The following STOML1 variants were observed in gnomAD, a reference collection of about 807,000 sequenced individuals.
STOML1 encodes the protein stomatin like 1.
STOML1 carries 27 observed loss-of-function variants against 35.7 expected under a neutral mutation model. That is an observed-to-expected ratio of 0.76 (90% CI 0.56 to 1.04). The LOEUF (loss-of-function observed/expected upper bound fraction) is 1.04. Among genes scored for constraint, STOML1 ranks in the 50% least tolerant of loss-of-function variants. The pLI, the probability that STOML1 is intolerant of heterozygous loss-of-function variation, is 0.00. For missense variants in STOML1, 451 were observed against 527.1 expected, an observed-to-expected ratio of 0.86 and a Z score of 1.41; for synonymous variants, 219 against 227.9, an observed-to-expected ratio of 0.96 and a Z score of 0.35.
Position 73,982,057 on chromosome 15 carries a change from G to A in STOML1, c.*1880C>T, listed in dbSNP as rs919592601. 6.6e-6 allele frequency: 1 copy of A among 152,348 alleles called. No individual in the cohort carries two copies. Among genetic ancestry groups the A allele is most frequent in the Non-Finnish European group, 1.5e-5 (1 of 68,154 alleles). 9.4% of individuals were successfully genotyped at this position (152,348 alleles called of 1,614,324 possible). On this transcript the variant is annotated 3_prime_UTR_variant, in exon 7 of 7. Coordinates refer to ENST00000541638, the MANE Select transcript of STOML1 (RefSeq NM_004809.5). ...ACCCTCCAGCCCTACCCCAGCCAAG[G>A]GGCCGTGCCAGCTTTCATGGTGAAG...
chr15:73,984,920 G>A (rs370277841), intron 5 of STOML1, 49 bp from the exon 6 acceptor site: 123 of 1,604,982 alleles, frequency 7.7e-5, no homozygotes, highest in South Asian at 7.1e-4. Context: ...GGAGGTCATC[G>A]TGTTGCCAAG....
chr15:73,991,686 C>T (rs1290355480), intron 1 of STOML1: 5 of 470,922 alleles, frequency 1.1e-5, no homozygotes, highest in Non-Finnish European at 2.1e-5. Context: ...AGAGGTGCCC[C>T]CTAGGGCGAA....
At chr15:73,994,541 C>A, upstream of STOML1, 1 of 547,892 alleles carries the variant, frequency 1.8e-6, no homozygotes, top group Non-Finnish European at 3.3e-6. Flanking sequence ...CCCTACCTCT[C>A]CCGCTTTACC....
At chr15:73,993,026 G>A (rs2069335413), upstream of STOML1, among the ~76,000 whole-genome samples, 1 of 152,186 alleles carries the variant, frequency 6.6e-6, no homozygotes, top group South Asian at 2.1e-4. Flanking sequence ...TAATGGCCTG[G>A]CCAGGTCACC....
chr15:73,992,496 T>G, upstream of STOML1: 1 of 314,526 alleles, frequency 3.2e-6, no homozygotes, highest in Non-Finnish European at 5.7e-6. Flanking sequence ...TCCCCTCTTC[T>G]CCTACTCAGC....
At position 73,984,010 on chromosome 15, in the gene STOML1, C is replaced by T. The variant is rs2141661588; in HGVS notation, c.1124G>A (p.Ser375Asn). 1 of 1,614,072 alleles carries T rather than the reference C, an allele frequency of 6.2e-7. No homozygotes were observed. ...GTCGCCCTTCACCTTCAGCCGTCCA[C>T]TCATGTAGGCCCCCAGGGGCCGCAG... ...RELRPLGAYM[S>N]GRLKVKGDLA... Residue 375 changes from serine (S) to asparagine (N), a missense_variant, in exon 7 of 7, where the codon AGT becomes AAT. Ser to Asn is a conservative substitution (Grantham distance 46). Coordinates refer to ENST00000541638, the MANE Select transcript of STOML1 (RefSeq NM_004809.5).
Position 73,992,137 on chromosome 15 carries a change from C to T in STOML1, c.87G>A (p.Gln29=). Reference sequence around the variant, plus strand: ...CCCGCTCCGGGGACAAGCAGCCCTTCTGCGAGCCCAGAAAGCCGAAGCTCG... The same window carrying T: ...CCCGCTCCGGGGACAAGCAGCCCTTTTGCGAGCCCAGAAAGCCGAAGCTCG... The part of the protein sequence containing the change: ...QQSSFGFLGS[Q]KGCLSPERGG... Residue 29 remains glutamine, a synonymous_variant, in exon 1 of 7, where the codon CAG becomes CAA. Transcript: ENST00000541638. The T allele has an allele frequency of 6.2e-7, 1 of 1,607,662 alleles. No individual in the cohort carries two copies. The highest frequency in any genetic ancestry group is 8.5e-7 in the Non-Finnish European group (1 of 1,177,750).
At chr15:73,990,546 T>C in intron 1 of STOML1, 89 bp from the exon 2 acceptor site, 1 of 1,206,696 alleles carries the variant, frequency 8.3e-7, no homozygotes, top group Non-Finnish European at 1.2e-6. Flanking sequence ...ACGCCCACCT[T>C]CCCCTCGAGA....
At chr15:73,989,050 C>A in intron 3 of STOML1, 58 bp downstream of exon 3, 1 of 1,527,170 alleles carries the variant, frequency 6.5e-7, no homozygotes, top group Non-Finnish European at 8.8e-7. Context: ...CCTGGCACCA[C>A]AGTACATTCT....
rs372570110 is a variant in STOML1 at position 73,989,937 on chromosome 15, A to G, written c.240+414T>C. On this transcript the variant is annotated intron_variant, in intron 2 of 6. Coordinates refer to ENST00000541638, the MANE Select transcript of STOML1 (RefSeq NM_004809.5). ...ACGTGCGATGCTGAACTATAGCTCC[A>G]TGGTTCATCCTTTTCCCACTGTACC... 143 of 175,698 alleles carry G rather than the reference A, an allele frequency of 8.1e-4. 2 individuals are homozygous for G. The highest frequency in any genetic ancestry group is 7.9e-3 in the Admixed American group (141 of 17,924). The allele number at this position is 175,698 out of a possible 1,614,324, so 10.9% of individuals were successfully genotyped here. A position where few individuals can be genotyped will look rare whatever the true frequency, so the allele number is the denominator to read the frequency against.
Position 73,979,879 on chromosome 15 carries a change from G to C in STOML1, c.*4058C>G, listed in dbSNP as rs2141655816. Reference sequence around the variant, plus strand: ...CAGGTGGGAGGATCACTTGAGGCCAGGAGTTAGAGACCAGCTTGAGAAGGC... The same window carrying C: ...CAGGTGGGAGGATCACTTGAGGCCACGAGTTAGAGACCAGCTTGAGAAGGC... On this transcript the variant is annotated 3_prime_UTR_variant, in exon 7 of 7. Coordinates refer to ENST00000541638, the MANE Select transcript of STOML1 (RefSeq NM_004809.5). 7.0e-6 allele frequency: 1 copy of C among 143,284 alleles called. No homozygotes were observed. The highest frequency in any genetic ancestry group is 2.0e-4 in the East Asian group (1 of 4,954). The allele number at this position is 143,284 out of a possible 1,614,324, so 8.9% of individuals were successfully genotyped here.
At position 73,982,299 on chromosome 15, in the gene STOML1, G is replaced by C. The variant is rs897011893; in HGVS notation, c.*1638C>G. 1 of 152,472 alleles carries C rather than the reference G, an allele frequency of 6.6e-6. No homozygotes were observed. Among genetic ancestry groups the C allele is most frequent in the African/African-American group, 2.4e-5 (1 of 41,462 alleles). The allele number at this position is 152,472 out of a possible 1,614,324, so 9.4% of individuals were successfully genotyped here. ...CTCAAAGGGTGGCCACAGTGTGGCT[G>C]CGGGGATTGGAGGGCAGGCTTTGGA... is the stretch of plus-strand genomic sequence containing the variant. On this transcript the variant is annotated 3_prime_UTR_variant, in exon 7 of 7. Coordinates refer to ENST00000541638, the MANE Select transcript of STOML1 (RefSeq NM_004809.5).
At position 73,980,331 on chromosome 15, in the gene STOML1, T is replaced by C. The variant is rs2068947290; in HGVS notation, c.*3606A>G. The C allele has an allele frequency of 6.6e-6, 1 of 152,208 alleles. No individual in the cohort carries two copies. The highest frequency in any genetic ancestry group is 1.5e-5 in the Non-Finnish European group (1 of 68,042). The allele number at this position is 152,208 out of a possible 1,614,324, so 9.4% of individuals were successfully genotyped here. A position where few individuals can be genotyped will look rare whatever the true frequency, so the allele number is the denominator to read the frequency against. On this transcript the variant is annotated 3_prime_UTR_variant, in exon 7 of 7. Transcript: ENST00000541638. ...TACCACAAATAGCACATGTTAAAGG[T>C]TATTCATTGCAAAAGTATTTAAAAT...
intron 5 of STOML1, 25 bp from the exon 6 acceptor site, chr15:73,984,896 G>A (rs370912683): frequency 1.8e-5 from 29 of 1,612,666 alleles, no homozygotes; most frequent in African/African-American, 2.7e-5. Context: ...CAGGGTTGGG[G>A]AAGGAGGCAG....
At chr15:73,993,578 G>A (rs985937605), upstream of STOML1, among the ~76,000 whole-genome samples, 2 of 152,112 alleles carry the variant, frequency 1.3e-5, no homozygotes, top group Non-Finnish European at 2.9e-5. Flanking sequence ...AGGAAGTTGC[G>A]TATCTGCCCA....
chr15:73,993,707 A>G (rs2069353539), upstream of STOML1, among the ~76,000 whole-genome samples: 1 of 152,226 alleles, frequency 6.6e-6, no homozygotes, highest in African/African-American at 2.4e-5. Flanking sequence ...GAGCCAGCAC[A>G]GTGGTTGCGA....
intron 4 of STOML1, chr15:73,987,655 T>C (rs185848525): frequency 3.9e-5 from 6 of 152,360 alleles, no homozygotes; most frequent in South Asian, 2.1e-4. Context: ...CCCTTGACCA[T>C]AGCTCTCAGA....
In STOML1 at chr15:73,981,988, T is replaced by C. The variant is rs556091440; in HGVS notation, c.*1949A>G. ...TCTTCCCATGCTCACAAAGAAGAGT[T>C]TGGGTTTCCCCTAAGTTGTGATCTC... On this transcript the variant is annotated 3_prime_UTR_variant, in exon 7 of 7. Coordinates refer to ENST00000541638, the MANE Select transcript of STOML1 (RefSeq NM_004809.5). 1 of 152,294 alleles carries C rather than the reference T, an allele frequency of 6.6e-6. No homozygotes were observed. The highest frequency in any genetic ancestry group is 1.5e-5 in the Non-Finnish European group (1 of 68,072). The allele number at this position is 152,294 out of a possible 1,614,324, so 9.4% of individuals were successfully genotyped here. A position where few individuals can be genotyped will look rare whatever the true frequency, so the allele number is the denominator to read the frequency against.
chr15:73,992,552 T>A (rs1005515833), upstream of STOML1, among the ~76,000 whole-genome samples: 15 of 152,138 alleles, frequency 9.9e-5, no homozygotes, highest in Non-Finnish European at 1.5e-5. Flanking sequence ...CTCACTCCTA[T>A]AATCCATCAA....
Sources: allele counts gnomAD v4.1 joint callset (sites outside exome capture counted in the v4.1 genomes callset), GRCh38; gene constraint gnomAD v4.1.1; transcripts MANE v1.5; gene names NCBI Gene and HGNC (gene_info 2026-07-23, HGNC 2026-07-21).